The following TENM2 variants were observed in gnomAD, a reference collection of about 807,000 sequenced individuals.
TENM2 encodes teneurin transmembrane protein 2.
A neutral mutation model predicts 245.2 loss-of-function variants in TENM2; 52 were observed. The ratio of observed to expected loss-of-function variants is 0.21; its 90% CI spans 0.17 to 0.27. The LOEUF (loss-of-function observed/expected upper bound fraction) is 0.27. Ranked by LOEUF, TENM2 falls within the 10% of genes least tolerant of loss-of-function variation. TENM2 has a pLI of 1.00. For missense variants in TENM2, 3,046 were observed against 3,666.8 expected (o/e 0.83, Z 4.37); for synonymous variants, 1,363 against 1,438.9 (o/e 0.95, Z 1.19).
At chr5:167,396,543 T>C (rs1188437392) in intron 2 of TENM2, among the ~76,000 whole-genome samples, 3 of 152,166 alleles carry the variant, frequency 2.0e-5, no homozygotes, top group Non-Finnish European at 4.4e-5. Flanking sequence ...TAAAATCTGA[T>C]GGCAAGAGAT....
the TENM2 span, among the ~76,000 whole-genome samples, chr5:167,208,048 C>T: frequency 6.6e-6 from 1 of 152,156 alleles, no homozygotes; most frequent in Non-Finnish European, 1.5e-5. Flanking sequence ...GCCACCACAC[C>T]CGGCCTACTG....
chr5:167,004,045 T>C, the TENM2 span, among the ~76,000 whole-genome samples: 2 of 152,108 alleles, frequency 1.3e-5, no homozygotes, highest in African/African-American at 4.8e-5. Context: ...GCCTTAGGAG[T>C]AGAAACATGA....
chr5:168,119,905 T>C (rs1046425365), intron 10 of TENM2, among the ~76,000 whole-genome samples: 6 of 152,214 alleles, frequency 3.9e-5, no homozygotes, highest in African/African-American at 1.2e-4. Context: ...GTGTTCCTCA[T>C]GGCCAGGCTA....
chr5:166,990,455 A>T, the TENM2 span, among the ~76,000 whole-genome samples: 2 of 152,188 alleles, frequency 1.3e-5, no homozygotes, highest in African/African-American at 2.4e-5. Flanking sequence ...CATCCAATAA[A>T]ATAATCCGGC....
chr5:168,034,115 A>G (rs1202723475), intron 5 of TENM2, among the ~76,000 whole-genome samples: 3 of 119,430 alleles, frequency 2.5e-5, no homozygotes, highest in African/African-American at 1.2e-4. Context: ...GTATACATAT[A>G]TATGTGTATA....
chr5:167,975,644 T>C (rs1450129672), intron 4 of TENM2, among the ~76,000 whole-genome samples: 3 of 152,162 alleles, frequency 2.0e-5, no homozygotes, highest in African/African-American at 4.8e-5. Flanking sequence ...TGAAGAGCTC[T>C]TGTGTCATTT....
At chr5:167,971,087 A>G (rs1781740203) in intron 4 of TENM2, among the ~76,000 whole-genome samples, 1 of 152,182 alleles carries the variant, frequency 6.6e-6, no homozygotes, top group Non-Finnish European at 1.5e-5. Flanking sequence ...TCATAATACC[A>G]TTCAGTTTGG....
At chr5:167,740,862 AC>A (rs1761132422) in intron 2 of TENM2, among the ~76,000 whole-genome samples, 1 of 152,026 alleles carries the variant, frequency 6.6e-6, no homozygotes, top group South Asian at 2.1e-4. Context: ...CTTCATCAGC[AC>A]CCACTGCTTC....
At chr5:167,798,173 G>C (rs1433564260) in intron 2 of TENM2, among the ~76,000 whole-genome samples, 7 of 152,162 alleles carry the variant, frequency 4.6e-5, no homozygotes, top group Admixed American at 3.3e-4. Context: ...TCACGTCCAG[G>C]CGCAAGCTAA....
chr5:167,569,940 G>A (rs539342572), intron 2 of TENM2, among the ~76,000 whole-genome samples: 1 of 152,128 alleles, frequency 6.6e-6, no homozygotes, highest in Non-Finnish European at 1.5e-5. Context: ...CGAGAGCACT[G>A]TGATAGCTAT....
chr5:167,650,416 G>A (rs923112299), intron 2 of TENM2, among the ~76,000 whole-genome samples: 23 of 152,042 alleles, frequency 1.5e-4, no homozygotes, highest in Non-Finnish European at 3.2e-4. Context: ...AAGGTTCTTA[G>A]GAAATATATT....
intron 25 of TENM2, among the ~76,000 whole-genome samples, chr5:168,240,247 A>T (rs1765962495): frequency 6.6e-6 from 1 of 151,880 alleles, no homozygotes; most frequent in South Asian, 2.1e-4. Context: ...CAAGACCCAA[A>T]CCCCTATTCC....
chr5:167,357,556 G>T (rs934977916), intron 1 of TENM2, among the ~76,000 whole-genome samples: 2 of 151,974 alleles, frequency 1.3e-5, no homozygotes, highest in African/African-American at 4.8e-5. Flanking sequence ...CACTTTGCCC[G>T]GCCGAGCCAT....
At chr5:167,320,580 C>A (rs1365777002) in intron 1 of TENM2, among the ~76,000 whole-genome samples, 1 of 152,098 alleles carries the variant, frequency 6.6e-6, no homozygotes, top group Non-Finnish European at 1.5e-5. Context: ...AGAGCTGGGA[C>A]TTTTAAGGCA....
chr5:168,197,637 T>C (rs1761561012), intron 15 of TENM2, among the ~76,000 whole-genome samples: 1 of 150,088 alleles, frequency 6.7e-6, no homozygotes, highest in Non-Finnish European at 1.5e-5. Flanking sequence ...GAGGTGGAGG[T>C]TGCAATAAGC....
chr5:167,573,572 T>C (rs1774428945), intron 2 of TENM2, among the ~76,000 whole-genome samples: 1 of 151,730 alleles, frequency 6.6e-6, no homozygotes, highest in African/African-American at 2.4e-5. Flanking sequence ...TCGCTGTCTT[T>C]CCCTCGCTCA....
At chr5:167,486,488 C>T (rs567516177) in intron 2 of TENM2, among the ~76,000 whole-genome samples, 1 of 152,076 alleles carries the variant, frequency 6.6e-6, no homozygotes, top group Non-Finnish European at 1.5e-5. Context: ...GCCACCACGC[C>T]CAGCTAATTT....
At chr5:167,460,152 C>T (rs1766206560) in intron 2 of TENM2, among the ~76,000 whole-genome samples, 1 of 152,012 alleles carries the variant, frequency 6.6e-6, no homozygotes, top group Non-Finnish European at 1.5e-5. Context: ...GTAATTGGTC[C>T]CAAGTTGAAA....
At chr5:167,884,447 G>GTCTC (rs1774124868) in intron 3 of TENM2, among the ~76,000 whole-genome samples, 1 of 152,008 alleles carries the variant, frequency 6.6e-6, no homozygotes, top group Non-Finnish European at 1.5e-5. Flanking sequence ...TTTTATTTCT[G>GTCTC]TCTCTATGAA....
Sources: gnomAD v4.1 joint callset for allele counts (sites outside exome capture counted in the v4.1 genomes callset) on GRCh38, gnomAD v4.1.1 for gene constraint, MANE v1.5 for transcripts, NCBI Gene and HGNC (gene_info 2026-07-23, HGNC 2026-07-21) for gene names.